The following SLC12A1 variants were observed in gnomAD, a reference collection of about 807,000 sequenced individuals.
The protein encoded by SLC12A1 is Na-K-2Cl cotransporter.
Under a neutral mutation model 130.4 loss-of-function variants are expected in SLC12A1, and 89 were observed. The observed-to-expected ratio is 0.68, with a 90% CI of 0.58 to 0.81. The LOEUF (loss-of-function observed/expected upper bound fraction) is 0.81, where lower values mean the gene tolerates loss of function less well. Ranked by LOEUF, SLC12A1 falls within the 40% of genes least tolerant of loss-of-function variation. The pLI is 0.00. For missense variants in SLC12A1, 1,310 were observed against 1,336.4 expected, an observed-to-expected ratio of 0.98 and a Z score of 0.31; for synonymous variants, 499 against 460.0, an observed-to-expected ratio of 1.08 and a Z score of -1.09.
intron 17 of SLC12A1, among the ~76,000 whole-genome samples, chr15:48,263,919 C>A (rs894237979): frequency 5.9e-5 from 9 of 152,110 alleles, no homozygotes; most frequent in South Asian, 2.1e-4. Flanking sequence ...TCTCCAACTC[C>A]TGGGCTCAAG....
chr15:48,260,674 TA>T (rs1183371010), intron 17 of SLC12A1, among the ~76,000 whole-genome samples: 1 of 152,126 alleles, frequency 6.6e-6, no homozygotes, highest in African/African-American at 2.4e-5. Context: ...GAGAAAGCCT[TA>T]GCACACTTGC....
At chr15:48,287,960 T>C in intron 21 of SLC12A1, 83 bp from the exon 22 acceptor site, 1 of 1,436,246 alleles carries the variant, frequency 7.0e-7, no homozygotes. Flanking sequence ...CTTTTCTCTA[T>C]TTTCATCACT....
intron 15 of SLC12A1, among the ~76,000 whole-genome samples, chr15:48,252,415 G>C (rs1013723656): frequency 6.6e-6 from 1 of 152,116 alleles, no homozygotes; most frequent in South Asian, 2.1e-4. Context: ...AAACCAACCT[G>C]ACAAGCTTTC....
At chr15:48,240,005 TTATCCATATATATATATATA>T (rs779931834) in intron 9 of SLC12A1, among the ~76,000 whole-genome samples, 2,389 of 129,460 alleles carry the variant, frequency 0.018, 318 homozygotes, top group African/African-American at 0.059. Context: ...TTCACATCTG[TTATCCATATATATATATATA>T]TATCCATATA....
intron 8 of SLC12A1, among the ~76,000 whole-genome samples, chr15:48,233,658 T>C (rs1415467770): frequency 6.6e-6 from 1 of 152,226 alleles, no homozygotes; most frequent in East Asian, 1.9e-4. Context: ...AGTTTTTCAA[T>C]GTTTCCCTTT....
At position 48,221,486 on chromosome 15, in the gene SLC12A1, G is replaced by A. The variant is rs993752411; in HGVS notation, c.628+490G>A. 7 of 660,576 alleles carry A rather than the reference G, an allele frequency of 1.1e-5. No individual in the cohort carries two copies. In the East Asian group the frequency reaches 1.1e-4, roughly 10 times the overall value. 40.9% of individuals were successfully genotyped at this position (660,576 alleles called of 1,614,324 possible). A position where few individuals can be genotyped will look rare whatever the true frequency, so the allele number is the denominator to read the frequency against. On this transcript the variant is annotated intron_variant, in intron 4 of 26. Coordinates refer to ENST00000380993, the MANE Select transcript of SLC12A1 (RefSeq NM_000338.3). ...ATTGTGTTACTTTCGGGTACCAGCAGTAAGAAAACAAAGGTTAATCAAATA... is the reference window on the plus strand; with the variant it reads ...ATTGTGTTACTTTCGGGTACCAGCAATAAGAAAACAAAGGTTAATCAAATA...
chr15:48,277,010 A>T (rs945706368), intron 20 of SLC12A1, among the ~76,000 whole-genome samples: 1 of 152,196 alleles, frequency 6.6e-6, no homozygotes, highest in Non-Finnish European at 1.5e-5. Context: ...GGTTATCAGA[A>T]TCGAGATTGC....
At chr15:48,261,663 A>G (rs2041776736) in intron 17 of SLC12A1, among the ~76,000 whole-genome samples, 1 of 152,246 alleles carries the variant, frequency 6.6e-6, no homozygotes, top group Non-Finnish European at 1.5e-5. Flanking sequence ...GGGAGTAAGT[A>G]TGCCATTAGA....
At chr15:48,244,684 G>A (rs573822498) in intron 10 of SLC12A1, 69 bp from the exon 11 acceptor site, 505 of 1,514,776 alleles carry the variant, frequency 3.3e-4, no homozygotes, top group Admixed American at 6.2e-4. Context: ...AGTAAACTAC[G>A]TTTTCAGTAG....
At chr15:48,206,657 A>G (rs2040986908) in intron 1 of SLC12A1, among the ~76,000 whole-genome samples, 1 of 152,190 alleles carries the variant, frequency 6.6e-6, no homozygotes, top group African/African-American at 2.4e-5. Flanking sequence ...CAAGTGTTTT[A>G]AGACAGGCCA....
chr15:48,231,541 C>T (rs2041378416), intron 7 of SLC12A1, among the ~76,000 whole-genome samples: 1 of 152,032 alleles, frequency 6.6e-6, no homozygotes, highest in South Asian at 2.1e-4. Flanking sequence ...TATATCTCTG[C>T]AGCCTTTAGT....
chr15:48,226,411 G>A, intron 4 of SLC12A1, 65 bp from the exon 5 acceptor site: 1 of 986,314 alleles, frequency 1.0e-6, no homozygotes, highest in Non-Finnish European at 1.6e-6. Flanking sequence ...AGTGTAGTTT[G>A]CAGCAATAGG....
intron 23 of SLC12A1, among the ~76,000 whole-genome samples, chr15:48,289,373 T>A (rs1417302503): frequency 2.2e-5 from 3 of 135,890 alleles, no homozygotes; most frequent in African/African-American, 8.2e-5. Flanking sequence ...CCTCTTAGGA[T>A]GTATTATGCT....
chr15:48,226,592 A>G (rs2041290600), intron 5 of SLC12A1, 21 bp downstream of exon 5: 1 of 1,465,930 alleles, frequency 6.8e-7, no homozygotes, highest in East Asian at 2.3e-5. Flanking sequence ...TAAGATATCT[A>G]ATGCCCTCAT....
chr15:48,293,342 T>C (rs185251511), intron 24 of SLC12A1, among the ~76,000 whole-genome samples: 9 of 152,362 alleles, frequency 5.9e-5, no homozygotes, highest in Admixed American at 5.9e-4. Context: ...AATTATAAAA[T>C]GTCTTCAATT....
At chr15:48,224,150 T>G (rs1228287070) in intron 4 of SLC12A1, 1 of 152,122 alleles carries the variant, frequency 6.6e-6, no homozygotes, top group Non-Finnish European at 1.5e-5. Flanking sequence ...TCACTTTACA[T>G]AGGGGAGCTT....
rs759821545 is a variant in SLC12A1, at chr15:48,299,223, G to A, written c.3044G>A (p.Arg1015Lys). 1.4e-5 allele frequency: 23 copies of A among 1,608,724 alleles called. No homozygotes were observed. Among genetic ancestry groups the A allele is most frequent in the South Asian group, 2.2e-5 (2 of 89,456 alleles). Residue 1015 changes from arginine (R) to lysine (K), a missense_variant, in exon 25 of 27, where the codon AGA (arginine) becomes AAA (lysine). Physicochemically the swap from Arg to Lys is conservative, Grantham distance 26. Coordinates refer to ENST00000380993, the MANE Select transcript of SLC12A1 (RefSeq NM_000338.3). ...TTAACAACTGCTGAGAAATTAAAAA[G>A]AGAAACTCCGTGGAAAATTACAGAT... ...KDLTTAEKLK[R>K]ETPWKITDAE...
chr15:48,284,417 A>G (rs1397633110), intron 20 of SLC12A1, among the ~76,000 whole-genome samples: 1 of 152,238 alleles, frequency 6.6e-6, no homozygotes, highest in Non-Finnish European at 1.5e-5. Context: ...GTTGTAAAAC[A>G]TCTGACCCAC....
At chr15:48,226,779 C>T (rs182025335) in intron 5 of SLC12A1, 155 of 612,516 alleles carry the variant, frequency 2.5e-4, no homozygotes, top group Non-Finnish European at 3.3e-4. Context: ...CTCTCTGGCA[C>T]ATTGTAGGTT....
Sources: allele counts gnomAD v4.1 joint callset (sites outside exome capture counted in the v4.1 genomes callset), GRCh38; gene constraint gnomAD v4.1.1; transcripts MANE v1.5; gene names NCBI Gene and HGNC (gene_info 2026-07-23, HGNC 2026-07-21).